AGMO: variants seen among roughly 807,000 people sequenced by gnomAD.
AGMO encodes glyceryl-ether monooxygenase.
A neutral mutation model predicts 60.2 loss-of-function variants in AGMO; 75 were observed. That is an observed-to-expected ratio of 1.25 (90% CI 1.03 to 1.51). The LOEUF is 1.51. Among genes scored for constraint, AGMO ranks in the 40% most tolerant of loss-of-function variants. The pLI, the probability that AGMO is intolerant of heterozygous loss-of-function variation, is 0.00. For missense variants in AGMO, 763 were observed against 525.5 expected (o/e 1.45, Z -4.42); for synonymous variants, 261 against 177.1 (o/e 1.47, Z -3.76).
At chr7:15,463,017 G>A (rs1782185649) in intron 3 of AGMO, among the ~76,000 whole-genome samples, 1 of 152,042 alleles carries the variant, frequency 6.6e-6, no homozygotes. Flanking sequence ...TTAGCTGGAT[G>A]GAAACATCTG....
At chr7:15,266,344 C>A (rs1783430681) in intron 12 of AGMO, among the ~76,000 whole-genome samples, 1 of 151,754 alleles carries the variant, frequency 6.6e-6, no homozygotes, top group African/African-American at 2.4e-5. Flanking sequence ...TTGAAATAAA[C>A]AAAAATTGTC....
intron 9 of AGMO, among the ~76,000 whole-genome samples, chr7:15,386,474 G>C (rs1783918740): frequency 6.6e-6 from 1 of 152,114 alleles, no homozygotes; most frequent in Non-Finnish European, 1.5e-5. Context: ...CAGCTTTTTG[G>C]AGTTGAAATA....
intron 12 of AGMO, among the ~76,000 whole-genome samples, chr7:15,324,840 G>T (rs1781288102): frequency 1.3e-5 from 2 of 152,038 alleles, no homozygotes; most frequent in South Asian, 4.2e-4. Context: ...CTGACAGGAG[G>T]CAGAGCCCAG....
chr7:15,135,938 A>G, the AGMO span, among the ~76,000 whole-genome samples: 1 of 143,884 alleles, frequency 7.0e-6, no homozygotes, highest in Non-Finnish European at 1.5e-5. Flanking sequence ...TAATGAAACA[A>G]CTATGTTTTT....
intron 5 of AGMO, among the ~76,000 whole-genome samples, chr7:15,395,294 G>A (rs1000006026): frequency 3.3e-5 from 5 of 152,120 alleles, no homozygotes; most frequent in African/African-American, 1.2e-4. Flanking sequence ...ACATTGATAT[G>A]AATTTGATAA....
chr7:15,171,085 C>T, the AGMO span, among the ~76,000 whole-genome samples: 7 of 152,194 alleles, frequency 4.6e-5, no homozygotes, highest in Non-Finnish European at 1.0e-4. Context: ...GAGCTCACAC[C>T]ATTCTCCTGC....
chr7:15,187,869 C>A, the AGMO span, among the ~76,000 whole-genome samples: 30 of 145,754 alleles, frequency 2.1e-4, no homozygotes, highest in Middle Eastern at 3.4e-3. Flanking sequence ...CCATTAGGAT[C>A]TCTCGGGTAA....
chr7:15,316,393 A>G (rs927878248), intron 12 of AGMO, among the ~76,000 whole-genome samples: 2 of 152,178 alleles, frequency 1.3e-5, no homozygotes, highest in African/African-American at 4.8e-5. Context: ...TCTGAAATAC[A>G]GAAAACTGGG....
intron 5 of AGMO, among the ~76,000 whole-genome samples, chr7:15,407,803 T>C (rs1370059495): frequency 1.3e-5 from 2 of 151,756 alleles, no homozygotes. Context: ...ATTCAGAGAA[T>C]AATGAGAGAG....
At chr7:15,407,232 C>CATATATATATATAT (rs60144769) in intron 5 of AGMO, among the ~76,000 whole-genome samples, 7,676 of 131,742 alleles carry the variant, frequency 0.058, 327 homozygotes, top group Non-Finnish European at 0.071. Context: ...CTTTGGAATA[C>CATATATATATATAT]ATATATATAT....
the AGMO span, among the ~76,000 whole-genome samples, chr7:15,134,991 T>G: frequency 6.6e-6 from 1 of 152,096 alleles, no homozygotes; most frequent in South Asian, 2.1e-4. Flanking sequence ...AGATTACAGA[T>G]ATTAAAAAAA....
the AGMO span, among the ~76,000 whole-genome samples, chr7:15,132,002 T>C: frequency 1.3e-5 from 2 of 152,064 alleles, no homozygotes; most frequent in East Asian, 3.9e-4. Flanking sequence ...GTCCAAATCT[T>C]ATCAGAAAGC....
chr7:15,535,922 A>G (rs1583660908), intron 3 of AGMO, among the ~76,000 whole-genome samples: 1 of 138,090 alleles, frequency 7.2e-6, no homozygotes, highest in East Asian at 1.9e-4. Context: ...AATCCTAGCA[A>G]TTAGGAGGCT....
intron 4 of AGMO, among the ~76,000 whole-genome samples, chr7:15,428,059 T>C (rs574705520): frequency 3.6e-4 from 25 of 70,166 alleles, no homozygotes; most frequent in African/African-American, 1.3e-3. Context: ...TTTTCAAAGA[T>C]GCGGCCCATT....
chr7:15,386,461 A>C (rs770911670), intron 9 of AGMO, among the ~76,000 whole-genome samples: 18 of 152,176 alleles, frequency 1.2e-4, no homozygotes, highest in Non-Finnish European at 2.4e-4. Flanking sequence ...CGATCATAGC[A>C]AACAGCTTTT....
At chr7:15,481,324 T>C (rs1461151480) in intron 3 of AGMO, among the ~76,000 whole-genome samples, 1 of 152,090 alleles carries the variant, frequency 6.6e-6, no homozygotes, top group Non-Finnish European at 1.5e-5. Context: ...GAGAACACTT[T>C]GAGGGTGACA....
chr7:15,353,795 C>CT (rs1297577644), intron 12 of AGMO, among the ~76,000 whole-genome samples: 3 of 152,024 alleles, frequency 2.0e-5, no homozygotes, highest in African/African-American at 7.2e-5. Flanking sequence ...TGTTGGATGC[C>CT]TGTGTTGGTA....
the AGMO span, among the ~76,000 whole-genome samples, chr7:15,132,121 G>A: frequency 2.0e-5 from 3 of 152,076 alleles, no homozygotes; most frequent in Non-Finnish European, 4.4e-5. Context: ...AAGATACCAT[G>A]CAGCACTGGA....
chr7:15,350,162 A>C (rs1436555380), intron 12 of AGMO, among the ~76,000 whole-genome samples: 1 of 152,156 alleles, frequency 6.6e-6, no homozygotes, highest in African/African-American at 2.4e-5. Flanking sequence ...ATTTCATCAT[A>C]GTAATTTAAA....
Sources: allele counts gnomAD v4.1 joint callset (sites outside exome capture counted in the v4.1 genomes callset), GRCh38; gene constraint gnomAD v4.1.1; transcripts MANE v1.5; gene names NCBI Gene and HGNC (gene_info 2026-07-23, HGNC 2026-07-21).